Variants in CLIP4 observed in about 807,000 individuals in gnomAD.
The protein encoded by CLIP4 is CAP-Gly domain-containing linker protein 4.
CLIP4 carries 47 observed loss-of-function variants against 73.1 expected under a neutral mutation model. That is an observed-to-expected ratio of 0.64 (90% CI 0.51 to 0.82). The LOEUF (loss-of-function observed/expected upper bound fraction) is 0.82, where lower values mean the gene tolerates loss of function less well. Ranked by LOEUF, CLIP4 falls within the 40% of genes least tolerant of loss-of-function variation. CLIP4 has a pLI of 0.00. For synonymous variants in CLIP4, 306 were observed against 295.4 expected, an observed-to-expected ratio of 1.04 and a Z score of -0.37; for missense variants, 874 against 852.9, an observed-to-expected ratio of 1.02 and a Z score of -0.31.
In CLIP4 at chr2:29,121,535, C is replaced by G; in HGVS notation, c.133+14C>G. 1 of 1,611,684 alleles carries G rather than the reference C, an allele frequency of 6.2e-7. No homozygotes were observed. Among genetic ancestry groups the G allele is most frequent in the East Asian group, 2.2e-5 (1 of 44,804 alleles). On this transcript the variant is annotated intron_variant, in intron 2 of 15. Transcript: ENST00000320081. Reference sequence around the variant, plus strand: ...CTTCAGACTGTGGTATGTGAAGTAGCTGTGCTTATTTTCTGTGAACTGGTA... The same window carrying G: ...CTTCAGACTGTGGTATGTGAAGTAGGTGTGCTTATTTTCTGTGAACTGGTA...
intron 8 of CLIP4, among the ~76,000 whole-genome samples, chr2:29,151,103 A>AT (rs1558554444): frequency 6.6e-6 from 1 of 152,112 alleles, no homozygotes; most frequent in Admixed American, 6.5e-5. Flanking sequence ...TTTTCCTCCT[A>AT]TTTAGAGTAT....
In CLIP4 at chr2:29,181,716, CT is replaced by C; in HGVS notation, c.1944del (p.Phe648LeufsTer37). ...CTGTTAGGTATGTGGGCCCCACTGA[CT>C]TTGCTTCAGGTATCTGGCTTGGACT... Reference protein sequence around the residue: ...GTVRYVGPTDFASGIWLGLEL... With the variant: ...GTVRYVGPTDXASGIWLGLEL... On this transcript the variant is annotated frameshift_variant, in exon 16 of 16. Coordinates refer to ENST00000320081, the MANE Select transcript of CLIP4 (RefSeq NM_024692.6). LOFTEE classifies it high-confidence loss of function. 1 of 1,614,142 alleles carries C rather than the reference CT, an allele frequency of 6.2e-7. No homozygotes were observed. The highest frequency in any genetic ancestry group is 1.1e-5 in the South Asian group (1 of 91,086).
Position 29,135,612 on chromosome 2 carries a change from G to C in CLIP4, c.594G>C (p.Leu198Phe). 1.2e-6 allele frequency: 2 copies of C among 1,611,330 alleles called. No homozygotes were observed. Among genetic ancestry groups the C allele is most frequent in the Non-Finnish European group, 8.5e-7 (1 of 1,178,968 alleles). Residue 198 changes from leucine to phenylalanine, a missense_variant, in exon 6 of 16, where the codon TTG (leucine) becomes TTC (phenylalanine). By Grantham distance (22) the Leu-to-Phe change is conservative (BLOSUM62 0). Transcript: ENST00000320081. ...CTTTGCATATTGCAGCATACAACTT[G>C]TGTGCAGGTGCTGTGAAGTGCCTCT... ...GTALHIAAYNLCAGAVKCLLE... is the reference protein window; with the variant it reads ...GTALHIAAYNFCAGAVKCLLE...
Position 29,159,533 on chromosome 2 carries a change from T to C in CLIP4, c.1400-800T>C, listed in dbSNP as rs372055201. 2.4e-4 allele frequency among the ~76,000 whole-genome samples: 37 copies of C among 152,230 alleles called. No homozygotes were observed. The South Asian group carries it at 3.3e-3, about 14-fold the overall frequency. On this transcript the variant is annotated intron_variant, in intron 11 of 15. Transcript: ENST00000320081. ...TCACTTTAGGATAATTAGAACCGTATAGCAATTTAACCTTCAAATCACACT... is the reference window on the plus strand; with the variant it reads ...TCACTTTAGGATAATTAGAACCGTACAGCAATTTAACCTTCAAATCACACT...
chr2:29,100,363 T>C (rs1289028340), intron 1 of CLIP4, among the ~76,000 whole-genome samples: 1 of 152,204 alleles, frequency 6.6e-6, no homozygotes, highest in Non-Finnish European at 1.5e-5. Flanking sequence ...ATTTTAAAAA[T>C]TAGACTTTAT....
chr2:29,162,947 GTT>G (rs1410238889), intron 12 of CLIP4, among the ~76,000 whole-genome samples: 1 of 151,962 alleles, frequency 6.6e-6, no homozygotes, highest in Non-Finnish European at 1.5e-5. Flanking sequence ...TCTATCTCCT[GTT>G]TTTTTACTTG....
chr2:29,134,602 C>T (rs1665216475), intron 5 of CLIP4, among the ~76,000 whole-genome samples: 1 of 128,986 alleles, frequency 7.8e-6, no homozygotes, highest in Non-Finnish European at 1.7e-5. Flanking sequence ...TTTAATAATT[C>T]AAGAGAGTTT....
At chr2:29,152,057 T>A (rs1445008030) in intron 8 of CLIP4, among the ~76,000 whole-genome samples, 2 of 152,180 alleles carry the variant, frequency 1.3e-5, no homozygotes, top group Non-Finnish European at 2.9e-5. Context: ...ATTTATTTTA[T>A]CCCTGCTATG....
chr2:29,157,230 T>G lies in CLIP4; in HGVS notation c.1282T>G (p.Cys428Gly). 1 of 1,614,118 alleles carries G rather than the reference T, an allele frequency of 6.2e-7. No homozygotes were observed. Among genetic ancestry groups the G allele is most frequent in the Non-Finnish European group, 8.5e-7 (1 of 1,179,962 alleles). Reference protein sequence around the residue: ...DVALLGSVSSCSSTSSLEHRQ... With the variant: ...DVALLGSVSSGSSTSSLEHRQ... ...TGCCCTGCTTGGATCTGTCAGCAGC[T>G]GCTCCTCTACATCTTCTTTGGAACA... The change falls in exon 11 of 16, where the codon TGC becomes GGC. Residue 428 changes from cysteine to glycine, a missense_variant. Transcript: ENST00000320081.
chr2:29,101,060 G>A (rs1179797178), intron 1 of CLIP4, among the ~76,000 whole-genome samples: 1 of 152,046 alleles, frequency 6.6e-6, no homozygotes, highest in Admixed American at 6.5e-5. Flanking sequence ...GGAGGCAGAG[G>A]CAGGCGGATC....
At chr2:29,114,994 C>T (rs1668498072), upstream of CLIP4, 1 of 152,470 alleles carries the variant, frequency 6.6e-6, no homozygotes, top group Admixed American at 6.5e-5. Context: ...CAGGAGAAAA[C>T]GTGGGTGAAG....
intron 1 of CLIP4, among the ~76,000 whole-genome samples, chr2:29,106,401 C>T (rs554144888): frequency 5.3e-5 from 8 of 152,290 alleles, no homozygotes; most frequent in African/African-American, 1.4e-4. Context: ...TGAGAAATCC[C>T]GAGTTCTGGC....
Position 29,143,733 on chromosome 2 carries a change from G to A in CLIP4, c.673G>A (p.Asp225Asn). The A allele has an allele frequency of 2.5e-6, 4 of 1,613,076 alleles. No individual in the cohort carries two copies. The highest frequency in any genetic ancestry group is 2.5e-6 in the Non-Finnish European group (3 of 1,179,002). The change falls in exon 7 of 16, where the codon GAT becomes AAT. Residue 225 changes from aspartate (D) to asparagine (N), a missense_variant. Coordinates refer to ENST00000320081, the MANE Select transcript of CLIP4 (RefSeq NM_024692.6). ...FRNDKGQIPA[D>N]VVPDPVDMPL... ...GAATGACAAAGGACAGATCCCTGCT[G>A]ATGTTGTTCCAGACCCAGTAGATAT...
At chr2:29,132,312 A>C (rs898365487) in intron 4 of CLIP4, 67 bp downstream of exon 4, 1 of 1,287,470 alleles carries the variant, frequency 7.8e-7, no homozygotes, top group Non-Finnish European at 1.1e-6. Context: ...ATCTATATTT[A>C]TGCCCATATA....
rs372696264 is a variant in CLIP4 at position 29,131,266 on chromosome 2, T to C, written c.142T>C (p.Phe48Leu). Reference sequence around the variant, plus strand: ...ATCTTTTTTTATTTCAGAATTTTCTTTCTTTGATCCTAATGATGCATCATG... The same window carrying C: ...ATCTTTTTTTATTTCAGAATTTTCTCTCTTTGATCCTAATGATGCATCATG... ...APMPSDCEFS[F>L]FDPNDASCQE... The change falls in exon 3 of 16, where the codon TTC becomes CTC. Residue 48 changes from phenylalanine (F) to leucine (L), a missense_variant. By Grantham distance (22) the Phe-to-Leu change is conservative. Transcript: ENST00000320081. 7.3e-5 allele frequency: 117 copies of C among 1,595,322 alleles called. No individual in the cohort carries two copies. The highest frequency in any genetic ancestry group is 9.7e-5 in the Non-Finnish European group (114 of 1,172,996).
intron 15 of CLIP4, among the ~76,000 whole-genome samples, chr2:29,175,955 A>G (rs536813824): frequency 6.0e-4 from 92 of 152,110 alleles, no homozygotes; most frequent in Middle Eastern, 3.4e-3. Flanking sequence ...TAGAGACGGG[A>G]TTTCACTGTG....
intron 2 of CLIP4, among the ~76,000 whole-genome samples, chr2:29,128,187 G>GT (rs70958244): frequency 0.011 from 1,475 of 138,434 alleles, 9 homozygotes; most frequent in South Asian, 0.033. Flanking sequence ...TAATGTCTGT[G>GT]TTTTTTTTTT....
At chr2:29,169,378 C>G (rs1184791865) in intron 14 of CLIP4, among the ~76,000 whole-genome samples, 2 of 136,826 alleles carry the variant, frequency 1.5e-5, no homozygotes, top group East Asian at 4.1e-4. Flanking sequence ...TGTGTGTGTC[C>G]CACTCTCCTC....
intron 2 of CLIP4, among the ~76,000 whole-genome samples, chr2:29,130,273 T>G (rs1664881859): frequency 6.6e-6 from 1 of 152,194 alleles, no homozygotes; most frequent in Non-Finnish European, 1.5e-5. Context: ...TTCAGGGTGC[T>G]TTTCTTAATA....
Sources: gnomAD v4.1 joint callset for allele counts (sites outside exome capture counted in the v4.1 genomes callset) on GRCh38, gnomAD v4.1.1 for gene constraint, MANE v1.5 for transcripts, NCBI Gene and HGNC (gene_info 2026-07-23, HGNC 2026-07-21) for gene names.